The following REDIC1 variants were observed in gnomAD, a reference collection of about 807,000 sequenced individuals.
REDIC1 encodes regulator of DNA class I crossover intermediates 1.
chr12:39,730,715 G>T, the REDIC1 span, among the ~76,000 whole-genome samples: 1 of 152,144 alleles, frequency 6.6e-6, no homozygotes, highest in Non-Finnish European at 1.5e-5. Flanking sequence ...TAGGTTGGGG[G>T]AGTTCTCCTG....
the REDIC1 span, chr12:39,907,884 G>C: frequency 6.6e-6 from 1 of 152,092 alleles, no homozygotes; most frequent in Non-Finnish European, 1.5e-5. Context: ...TGGAGCCTTA[G>C]AATCAATGCT....
chr12:39,712,373 T>C, the REDIC1 span, among the ~76,000 whole-genome samples: 1 of 139,454 alleles, frequency 7.2e-6, no homozygotes, highest in African/African-American at 2.6e-5. Flanking sequence ...TACATATGTA[T>C]ATATACCTAT....
chr12:39,701,403 T>C, the REDIC1 span, among the ~76,000 whole-genome samples: 1 of 152,170 alleles, frequency 6.6e-6, no homozygotes, highest in African/African-American at 2.4e-5. Context: ...TAAATATATA[T>C]GCACCCAATA....
chr12:39,806,802 T>C, the REDIC1 span, among the ~76,000 whole-genome samples: 4 of 152,208 alleles, frequency 2.6e-5, no homozygotes, highest in Admixed American at 2.6e-4. Flanking sequence ...AATAAATTTG[T>C]AGGAGTTAAA....
the REDIC1 span, chr12:39,721,564 G>C: frequency 1.0e-5 from 2 of 193,848 alleles, no homozygotes; most frequent in African/African-American, 4.7e-5. Context: ...TGTTATTTAT[G>C]GGTTAAAATA....
At chr12:39,878,067 T>G in the REDIC1 span, among the ~76,000 whole-genome samples, 5 of 152,198 alleles carry the variant, frequency 3.3e-5, no homozygotes, top group Non-Finnish European at 7.3e-5. Flanking sequence ...AATTGCAGGC[T>G]TCCTAAGGCC....
At chr12:39,883,839 G>A in the REDIC1 span, among the ~76,000 whole-genome samples, 1 of 152,128 alleles carries the variant, frequency 6.6e-6, no homozygotes, top group South Asian at 2.1e-4. Flanking sequence ...AAGAGGTCAG[G>A]AACATGCAGG....
At chr12:39,650,444 G>T in the REDIC1 span, 2 of 1,466,860 alleles carry the variant, frequency 1.4e-6, no homozygotes. The surrounding 1 kb of genome is among the most constrained non-coding windows in gnomAD (Gnocchi z 4.3). Flanking sequence ...AATATTTTTA[G>T]TTAAAAATAT....
the REDIC1 span, among the ~76,000 whole-genome samples, chr12:39,796,214 G>A: frequency 3.3e-5 from 5 of 151,990 alleles, no homozygotes; most frequent in African/African-American, 7.2e-5. Context: ...TCACTCCCAC[G>A]ATGTAGGGGG....
chr12:39,669,950 A>G, the REDIC1 span, among the ~76,000 whole-genome samples: 2 of 151,916 alleles, frequency 1.3e-5, no homozygotes, highest in African/African-American at 4.8e-5. Flanking sequence ...GCCGTCTGTC[A>G]CCCCTTTCTT....
At chr12:39,715,386 T>C in the REDIC1 span, among the ~76,000 whole-genome samples, 1 of 151,980 alleles carries the variant, frequency 6.6e-6, no homozygotes, top group Admixed American at 6.6e-5. Flanking sequence ...TTTGGGTTTA[T>C]TTCCGGGTTC....
the REDIC1 span, chr12:39,691,978 T>A: frequency 7.6e-7 from 1 of 1,321,502 alleles, no homozygotes; most frequent in Admixed American, 2.9e-5. Flanking sequence ...ATTGGTAGTG[T>A]AAATAAGGTA....
chr12:39,658,651 A>T, the REDIC1 span, among the ~76,000 whole-genome samples: 1 of 152,140 alleles, frequency 6.6e-6, no homozygotes, highest in South Asian at 2.1e-4. Context: ...CATTTTGTCC[A>T]TCCCTTTGCC....
At chr12:39,711,398 TAC>T in the REDIC1 span, among the ~76,000 whole-genome samples, 3 of 146,374 alleles carry the variant, frequency 2.0e-5, no homozygotes, top group South Asian at 4.2e-4. Context: ...TGTGTACATA[TAC>T]ACATAGATGT....
the REDIC1 span, among the ~76,000 whole-genome samples, chr12:39,740,210 G>A: frequency 6.6e-6 from 1 of 152,198 alleles, no homozygotes; most frequent in African/African-American, 2.4e-5. Context: ...TGATATGCCA[G>A]TTAATAAAAA....
At chr12:39,764,930 A>G in the REDIC1 span, 1 of 1,514,202 alleles carries the variant, frequency 6.6e-7, no homozygotes, top group Non-Finnish European at 8.9e-7. Flanking sequence ...ATATGATCAT[A>G]TTTATGTATT....
the REDIC1 span, among the ~76,000 whole-genome samples, chr12:39,631,943 A>G: frequency 6.6e-6 from 1 of 152,224 alleles, no homozygotes; most frequent in South Asian, 2.1e-4. Context: ...TAGCACATGT[A>G]TACAATAAAT....
the REDIC1 span, among the ~76,000 whole-genome samples, chr12:39,859,655 TG>T: frequency 3.3e-5 from 5 of 152,126 alleles, no homozygotes; most frequent in Non-Finnish European, 7.4e-5. Context: ...CCCGAGTAGC[TG>T]GGATTACAGG....
chr12:39,703,983 G>A, the REDIC1 span, among the ~76,000 whole-genome samples: 21 of 151,964 alleles, frequency 1.4e-4, no homozygotes, highest in African/African-American at 4.6e-4. Flanking sequence ...CTAGAAGAAA[G>A]CCTAGGCATT....
Sources: gnomAD v4.1 joint callset for allele counts (sites outside exome capture counted in the v4.1 genomes callset) on GRCh38, gnomAD v4.1.1 for gene constraint, Gnocchi (gnomAD v3.1) non-coding constraint, MANE v1.5 for transcripts, NCBI Gene and HGNC (gene_info 2026-07-23, HGNC 2026-07-21) for gene names.